ESRRA: variants seen among roughly 807,000 people sequenced by gnomAD.
ESRRA encodes the protein steroid hormone receptor ERR1.
A neutral mutation model predicts 35.6 loss-of-function variants in ESRRA; 7 were observed. The observed-to-expected ratio is 0.20, with a 90% CI of 0.11 to 0.37. The LOEUF (loss-of-function observed/expected upper bound fraction) is 0.37, where lower values mean the gene tolerates loss of function less well. Ranked by LOEUF, ESRRA falls within the 10% of genes least tolerant of loss-of-function variation. The pLI is 1.00. For synonymous variants in ESRRA, 223 were observed against 246.9 expected, an observed-to-expected ratio of 0.90 and a Z score of 0.91; for missense variants, 378 against 561.7, an observed-to-expected ratio of 0.67 and a Z score of 3.31.
chr11:64,309,367 G>A (rs2035096650), intron 2 of ESRRA, among the ~76,000 whole-genome samples: 1 of 151,426 alleles, frequency 6.6e-6, no homozygotes, highest in African/African-American at 2.4e-5. Flanking sequence ...GGGAGGCAGA[G>A]GTTGCAGTGA....
At chr11:64,310,536 GTTTTTTTTTTTTT>G (rs1185768710) in intron 2 of ESRRA, among the ~76,000 whole-genome samples, 5 of 100,500 alleles carry the variant, frequency 5.0e-5, no homozygotes, top group East Asian at 3.0e-4. Context: ...TCCTGGCCAG[GTTTTTTTTTTTTT>G]TTTTTTTTTT....
intron 2 of ESRRA, among the ~76,000 whole-genome samples, chr11:64,311,276 G>T (rs1393177176): frequency 2.0e-5 from 3 of 152,268 alleles, no homozygotes; most frequent in Admixed American, 6.5e-5. Context: ...GGCTGAAGCA[G>T]GGCTGTTTCT....
chr11:64,315,665 A>G (rs565254681), intron 6 of ESRRA, 42 bp from the exon 7 acceptor site: 2 of 1,605,964 alleles, frequency 1.2e-6, no homozygotes, highest in Non-Finnish European at 1.7e-6. Flanking sequence ...TGCCCTTGCC[A>G]GAGATAGCCC....
At chr11:64,314,950 C>A in intron 5 of ESRRA, 39 bp downstream of exon 5, 2 of 1,604,296 alleles carry the variant, frequency 1.2e-6, no homozygotes, top group South Asian at 2.2e-5. Flanking sequence ...CCTGAACGGG[C>A]CCGGCTCTGG....
At position 64,315,803 on chromosome 11, in the gene ESRRA, G is replaced by A. The variant is rs759253199; in HGVS notation, c.1109G>A (p.Gly370Glu). The change falls in exon 7 of 7, where the codon GGA (glycine) becomes GAA (glutamate). Residue 370 changes from glycine (G) to glutamate (E), a missense_variant. Transcript: ENST00000000442. ...TATGAAGCCGGCCGGGCTGGCCCCG[G>A]AGGGGGTGCTGAGCGGCGGCGGGCG... Reference protein sequence around the residue: ...LEYEAGRAGPGGGAERRRAGR... With the variant: ...LEYEAGRAGPEGGAERRRAGR... 6.2e-7 allele frequency: 1 copy of A among 1,612,986 alleles called. No individual in the cohort carries two copies. The highest frequency in any genetic ancestry group is 1.1e-5 in the South Asian group (1 of 91,000).
rs757978214 is a variant in ESRRA at position 64,313,942 on chromosome 11, TC to T, written c.326-7del. 1.4e-5 allele frequency: 22 copies of T among 1,557,436 alleles called. No individual in the cohort carries two copies. The East Asian group carries it at 1.4e-4, about 10-fold the overall frequency. On this transcript the variant is annotated splice_region_variant and splice_polypyrimidine_tract_variant and intron_variant, in intron 2 of 6. Coordinates refer to ENST00000000442, the MANE Select transcript of ESRRA (RefSeq NM_004451.5). This position sits in a 1 kb window ranked among gnomAD's most constrained non-coding sequence, Gnocchi z 4.0. ...AGGCCGCCACTGGAGCCCTGCCTCT[TC>T]CTGGCAGGGAGCATCGAGTACAGCT...
At chr11:64,314,456 C>T (rs1565377524) in intron 4 of ESRRA, 89 bp downstream of exon 4, 1 of 1,387,222 alleles carries the variant, frequency 7.2e-7, no homozygotes, top group Admixed American at 2.8e-5. Flanking sequence ...CTGTATTTCC[C>T]CTTCGTCTCT....
At chr11:64,315,331 G>C in intron 6 of ESRRA, 61 bp downstream of exon 6, 1 of 1,492,904 alleles carries the variant, frequency 6.7e-7, no homozygotes, top group South Asian at 1.4e-5. Context: ...GGTTAACTCA[G>C]TGACGGTAGC....
At chr11:64,309,003 C>G (rs1299652965) in intron 2 of ESRRA, among the ~76,000 whole-genome samples, 2 of 151,202 alleles carry the variant, frequency 1.3e-5, no homozygotes, top group Non-Finnish European at 2.9e-5. Flanking sequence ...TCATCCCACT[C>G]AAGAGGCTGA....
intron 2 of ESRRA, among the ~76,000 whole-genome samples, chr11:64,310,871 C>T (rs2035127708): frequency 6.6e-6 from 1 of 152,026 alleles, no homozygotes; most frequent in Admixed American, 6.6e-5. Flanking sequence ...TTAACTTGGC[C>T]AAAATCCACC....
chr11:64,308,092 A>G (rs866816396), intron 2 of ESRRA, among the ~76,000 whole-genome samples: 53 of 152,022 alleles, frequency 3.5e-4, no homozygotes, highest in African/African-American at 1.2e-3. Context: ...ACGTTTCACC[A>G]TGTCGGCCAG....
rs1315288184 is a variant in ESRRA at position 64,313,279 on chromosome 11, C to T, written c.326-672C>T. On this transcript the variant is annotated intron_variant, in intron 2 of 6. Coordinates refer to ENST00000000442, the MANE Select transcript of ESRRA (RefSeq NM_004451.5). This position sits in a 1 kb window ranked among gnomAD's most constrained non-coding sequence, Gnocchi z 4.0. ...CTTGGGCAAGTGAACACGTGGAGTC[C>T]ACGTAGGCTGTGTTCGGTCCGAGAT... Among the ~76,000 whole-genome samples the T allele has an allele frequency of 6.6e-6, 1 of 152,122 alleles. No homozygotes were observed. Among genetic ancestry groups the T allele is most frequent in the East Asian group, 1.9e-4 (1 of 5,194 alleles).
chr11:64,311,416 CTT>C (rs5792321), intron 2 of ESRRA, among the ~76,000 whole-genome samples: 3,111 of 125,640 alleles, frequency 0.025, 48 homozygotes, highest in Non-Finnish European at 0.039. Flanking sequence ...GAGGGCTTGT[CTT>C]TTTTTTTTTT....
chr11:64,314,406 G>T, intron 4 of ESRRA, 39 bp downstream of exon 4: 1 of 1,506,818 alleles, frequency 6.6e-7, no homozygotes, highest in South Asian at 1.3e-5. Context: ...CGAAACCGGA[G>T]GCCTATGTGT....
At position 64,313,858 on chromosome 11, in the gene ESRRA, G is replaced by C; in HGVS notation, c.326-93G>C. On this transcript the variant is annotated intron_variant, in intron 2 of 6. Coordinates refer to ENST00000000442, the MANE Select transcript of ESRRA (RefSeq NM_004451.5). This position sits in a 1 kb window ranked among gnomAD's most constrained non-coding sequence, Gnocchi z 4.0. Reference sequence around the variant, plus strand: ...CTTTCCTCCCCATACCCCCAGACCTGTGCTTGCCCGGGGAGAGTCAGGGCT... The same window carrying C: ...CTTTCCTCCCCATACCCCCAGACCTCTGCTTGCCCGGGGAGAGTCAGGGCT... 1.2e-6 allele frequency: 1 copy of C among 833,378 alleles called. No individual in the cohort carries two copies. The highest frequency in any genetic ancestry group is 1.9e-6 in the Non-Finnish European group (1 of 525,750). The allele number at this position is 833,378 out of a possible 1,614,324, so 51.6% of individuals were successfully genotyped here. A position where few individuals can be genotyped will look rare whatever the true frequency, so the allele number is the denominator to read the frequency against.
rs777573866 is a variant in ESRRA, at chr11:64,315,870, G to A, written c.1176G>A (p.Ala392=). The A allele has an allele frequency of 2.5e-5, 41 of 1,610,146 alleles. No individual in the cohort carries two copies. Among genetic ancestry groups the A allele is most frequent in the Non-Finnish European group, 3.1e-5 (37 of 1,178,300 alleles). ...LLTLPLLRQT[A]GKVLAHFYGV... The stretch of plus-strand genomic sequence containing the variant: ...CGCTACCGCTCCTCCGCCAGACAGC[G>A]GGCAAAGTGCTGGCCCATTTCTATG... The change falls in exon 7 of 7, where the codon GCG becomes GCA. Residue 392 remains alanine (A), a synonymous_variant. Coordinates refer to ENST00000000442, the MANE Select transcript of ESRRA (RefSeq NM_004451.5).
chr11:64,310,816 G>A (rs570216612), intron 2 of ESRRA, among the ~76,000 whole-genome samples: 1 of 152,210 alleles, frequency 6.6e-6, no homozygotes, highest in East Asian at 1.9e-4. Flanking sequence ...CCAAAGTGCT[G>A]GGATTATAGG....
At position 64,305,876 on chromosome 11, in the gene ESRRA, C is replaced by G. The variant is rs1382129872; in HGVS notation, c.-13+140C>G. ...GGCCAGTCCGGGCCACGGTTGGGAC[C>G]CAGTCGAGGGTCGGACTGGTCAGGG... is the stretch of plus-strand genomic sequence containing the variant. On this transcript the variant is annotated intron_variant, in intron 1 of 6. Transcript: ENST00000000442. The surrounding 1 kb of genome is among the most constrained non-coding windows in gnomAD (Gnocchi z 5.8). 2 of 152,032 alleles carry G rather than the reference C, an allele frequency of 1.3e-5. No homozygotes were observed. Among genetic ancestry groups the G allele is most frequent in the African/African-American group, 4.8e-5 (2 of 41,296 alleles). 9.4% of individuals were successfully genotyped at this position (152,032 alleles called of 1,614,324 possible).
chr11:64,309,986 A>C (rs1050291985), intron 2 of ESRRA, among the ~76,000 whole-genome samples: 2 of 151,652 alleles, frequency 1.3e-5, no homozygotes, highest in East Asian at 3.9e-4. Context: ...TAGGCACTGT[A>C]TTCTTTTATG....
Sources: gnomAD v4.1 joint callset for allele counts (sites outside exome capture counted in the v4.1 genomes callset) on GRCh38, gnomAD v4.1.1 for gene constraint, Gnocchi (gnomAD v3.1) non-coding constraint, MANE v1.5 for transcripts, NCBI Gene and HGNC (gene_info 2026-07-23, HGNC 2026-07-21) for gene names.